The following SP6 variants were observed in gnomAD, a reference collection of about 807,000 sequenced individuals.
The protein encoded by SP6 is Sp6 transcription factor.
Under a neutral mutation model 23.4 loss-of-function variants are expected in SP6, and 10 were observed. The ratio of observed to expected loss-of-function variants is 0.43; its 90% CI spans 0.26 to 0.72. The LOEUF is 0.72. Among genes scored for constraint, SP6 ranks in the 30% least tolerant of loss-of-function variants. SP6 has a pLI of 0.23. For synonymous variants in SP6, 238 were observed against 238.7 expected, an observed-to-expected ratio of 1.00 and a Z score of 0.03; for missense variants, 482 against 523.8, an observed-to-expected ratio of 0.92 and a Z score of 0.78.
At position 47,847,383 on chromosome 17, in the gene SP6, T is replaced by C; in HGVS notation, c.1047A>G (p.Gly349=). Residue 349 remains glycine, a synonymous_variant, in exon 2 of 2, where the codon GGA becomes GGG. Coordinates refer to ENST00000536300, the MANE Select transcript of SP6 (RefSeq NM_001258248.2). ...CCACTGCGCCGCCGGCCTTGCCCTC[T>C]CCCGAGGCCGCCCCAGCCGCCTCCT... ...AKEEAAGAAS[G]EGKAGGAVEP... is the part of the protein sequence containing the mutation. 1 of 1,612,168 alleles carries C rather than the reference T, an allele frequency of 6.2e-7. No individual in the cohort carries two copies. The highest frequency in any genetic ancestry group is 8.5e-7 in the Non-Finnish European group (1 of 1,179,420).
chr17:47,870,783 ACT>A, the SP6 span, among the ~76,000 whole-genome samples: 1 of 151,448 alleles, frequency 6.6e-6, no homozygotes, highest in African/African-American at 2.4e-5. Context: ...AGAGAATGAA[ACT>A]CTGCCGGTTT....
the SP6 span, among the ~76,000 whole-genome samples, chr17:47,867,507 A>G: frequency 6.6e-6 from 1 of 152,178 alleles, no homozygotes; most frequent in African/African-American, 2.4e-5. Context: ...CAGGAACATT[A>G]AGAGACTGAG....
Position 47,848,592 on chromosome 17 carries a change from C to G in SP6, c.-57-106G>C. On this transcript the variant is annotated intron_variant, in intron 1 of 1. Transcript: ENST00000536300. The surrounding 1 kb of genome is among the most constrained non-coding windows in gnomAD (Gnocchi z 5.3). ...CCAGGTGTAAAAGAAGGATGCACCTCTGAACGAGGACTAGAGATGAGTTTA... is the reference window on the plus strand; with the variant it reads ...CCAGGTGTAAAAGAAGGATGCACCTGTGAACGAGGACTAGAGATGAGTTTA... The G allele has an allele frequency of 1.6e-6, 1 of 633,332 alleles. No homozygotes were observed. The highest frequency in any genetic ancestry group is 2.7e-6 in the Non-Finnish European group (1 of 368,360). 39.2% of individuals were successfully genotyped at this position (633,332 alleles called of 1,614,324 possible).
Position 47,847,819 on chromosome 17 carries a change from G to C in SP6, c.611C>G (p.Ser204Cys), listed in dbSNP as rs1395623524. The C allele has an allele frequency of 1.0e-5, 16 of 1,529,356 alleles. No individual in the cohort carries two copies. Among genetic ancestry groups the C allele is most frequent in the Non-Finnish European group, 1.4e-5 (16 of 1,142,380 alleles). 94.7% of individuals were successfully genotyped at this position (1,529,356 alleles called of 1,614,324 possible). Residue 204 changes from serine (S) to cysteine (C), a missense_variant, in exon 2 of 2, where the codon TCC (serine) becomes TGC (cysteine). Around this residue, in one of 3 missense-constraint regions of SP6, gnomAD observed 330 missense variants for 332.3 expected, o/e 0.99. Coordinates refer to ENST00000536300, the MANE Select transcript of SP6 (RefSeq NM_001258248.2). ...VAAPESQGLDSSLDGAARPKG... is the reference protein window; with the variant it reads ...VAAPESQGLDCSLDGAARPKG... The stretch of plus-strand genomic sequence containing the variant: ...GGGACGCGCCGCCCCGTCCAGGCTG[G>C]AATCCAGCCCTTGAGACTCCGGGGC...
rs1391856794 is a variant in SP6 at position 47,848,295 on chromosome 17, G to A, written c.135C>T (p.Ser45=). The A allele has an allele frequency of 5.6e-6, 9 of 1,612,290 alleles. No individual in the cohort carries two copies. Among genetic ancestry groups the A allele is most frequent in the Middle Eastern group, 1.7e-4 (1 of 5,996 alleles). The change falls in exon 2 of 2, where the codon TCC becomes TCT. Residue 45 remains serine (S), a synonymous_variant. Transcript: ENST00000536300. The surrounding 1 kb of genome is among the most constrained non-coding windows in gnomAD (Gnocchi z 5.3). ...HTSPEAGDYP[S]PLQPGELQSL... ...TCTGCAGCTCTCCAGGCTGCAGCGG[G>A]GAGGGGTAGTCCCCGGCCTCAGGGC...
upstream of SP6, among the ~76,000 whole-genome samples, chr17:47,858,767 C>CTTTTTTT (rs36092685): frequency 4.0e-4 from 37 of 92,660 alleles, 9 homozygotes; most frequent in Middle Eastern, 0.018. Flanking sequence ...GATGAAGCAT[C>CTTTTTTT]TTTTTTTTTT....
chr17:47,873,845 TTCC>T, the SP6 span, among the ~76,000 whole-genome samples: 135 of 138,792 alleles, frequency 9.7e-4, no homozygotes, highest in Admixed American at 2.1e-3. Context: ...CCTTCTTGCT[TTCC>T]TCCTCCTCCT....
the SP6 span, among the ~76,000 whole-genome samples, chr17:47,866,670 C>T: frequency 6.6e-6 from 1 of 152,134 alleles, no homozygotes; most frequent in African/African-American, 2.4e-5. Flanking sequence ...ATGGAGAAAT[C>T]GCCTTGCCCA....
the SP6 span, among the ~76,000 whole-genome samples, chr17:47,868,646 C>T: frequency 3.3e-5 from 5 of 152,334 alleles, no homozygotes; most frequent in South Asian, 6.2e-4. Flanking sequence ...ATCATGCATA[C>T]GCATAGACCC....
chr17:47,847,622 G>A lies in SP6; in HGVS notation c.808C>T (p.His270Tyr). ...TGCCAGCGCAGGTGCGCCTTCAGGT[G>A]CGACGTCTTGGCGTAGGCTTTCCCG... ...GCGKAYAKTSHLKAHLRWHSG... is the reference protein window; with the variant it reads ...GCGKAYAKTSYLKAHLRWHSG... Residue 270 changes from histidine (H) to tyrosine (Y), a missense_variant, in exon 2 of 2, where the codon CAC (histidine) becomes TAC (tyrosine). Physicochemically the swap from His to Tyr is moderately conservative, Grantham distance 83. Coordinates refer to ENST00000536300, the MANE Select transcript of SP6 (RefSeq NM_001258248.2). 1 of 1,613,530 alleles carries A rather than the reference G, an allele frequency of 6.2e-7. No homozygotes were observed.
upstream of SP6, among the ~76,000 whole-genome samples, chr17:47,852,919 G>A (rs1223671702): frequency 6.6e-6 from 1 of 152,220 alleles, no homozygotes; most frequent in Non-Finnish European, 1.5e-5. Flanking sequence ...GTAAATGGAA[G>A]ATATCCTTGT....
At chr17:47,859,818 C>T (rs2034022578), upstream of SP6, among the ~76,000 whole-genome samples, 1 of 152,112 alleles carries the variant, frequency 6.6e-6, no homozygotes, top group South Asian at 2.1e-4. Flanking sequence ...AAGCTCCCCA[C>T]CCTGTCACCC....
rs1163679889 is a variant in SP6, at chr17:47,848,280, T to C, written c.150A>G (p.Gly50=). 2 of 1,612,230 alleles carry C rather than the reference T, an allele frequency of 1.2e-6. No individual in the cohort carries two copies. Among genetic ancestry groups the C allele is most frequent in the Non-Finnish European group, 1.7e-6 (2 of 1,179,388 alleles). The part of the protein sequence containing the change: ...AGDYPSPLQP[G]ELQSLPLGPE... ...GGCCCAGCGGGAGGCTCTGCAGCTCTCCAGGCTGCAGCGGGGAGGGGTAGT... is the reference window on the plus strand; with the variant it reads ...GGCCCAGCGGGAGGCTCTGCAGCTCCCCAGGCTGCAGCGGGGAGGGGTAGT... The change falls in exon 2 of 2, where the codon GGA becomes GGG. Residue 50 remains glycine, a synonymous_variant. Coordinates refer to ENST00000536300, the MANE Select transcript of SP6 (RefSeq NM_001258248.2). The surrounding 1 kb of genome is among the most constrained non-coding windows in gnomAD (Gnocchi z 5.3).
chr17:47,872,838 G>A, the SP6 span, among the ~76,000 whole-genome samples: 12 of 152,194 alleles, frequency 7.9e-5, no homozygotes, highest in African/African-American at 2.9e-4. Context: ...ATTAGAGCCG[G>A]CCCTCAGCCA....
chr17:47,857,537 C>T (rs1353089530), upstream of SP6, among the ~76,000 whole-genome samples: 1 of 152,126 alleles, frequency 6.6e-6, no homozygotes, highest in Non-Finnish European at 1.5e-5. Flanking sequence ...ACCCAGCCCT[C>T]AACCTGGACC....
At chr17:47,865,041 G>T in the SP6 span, 74 of 152,418 alleles carry the variant, frequency 4.9e-4, no homozygotes, top group African/African-American at 1.7e-3. Context: ...GAGGGAGAGA[G>T]GGGGAGAGAA....
chr17:47,856,952 C>G (rs2034002461), upstream of SP6, among the ~76,000 whole-genome samples: 1 of 152,060 alleles, frequency 6.6e-6, no homozygotes. Flanking sequence ...GATTCCCAGT[C>G]TCTTCATTAA....
the SP6 span, among the ~76,000 whole-genome samples, chr17:47,872,471 G>A: frequency 6.6e-6 from 1 of 152,196 alleles, no homozygotes; most frequent in Non-Finnish European, 1.5e-5. Context: ...GCGGGGGTGA[G>A]TAAGGCCCAG....
At chr17:47,871,049 G>A in the SP6 span, among the ~76,000 whole-genome samples, 1 of 152,188 alleles carries the variant, frequency 6.6e-6, no homozygotes. Flanking sequence ...CCTCGATCGA[G>A]TATTCCAGGG....
Sources: allele counts gnomAD v4.1 joint callset (sites outside exome capture counted in the v4.1 genomes callset), GRCh38; gene constraint gnomAD v4.1.1; regional missense constraint gnomAD v4.1.1; non-coding constraint Gnocchi (gnomAD v3.1); transcripts MANE v1.5; gene names NCBI Gene and HGNC (gene_info 2026-07-23, HGNC 2026-07-21).